Variants in SORL1 observed in about 807,000 individuals in gnomAD.
The protein encoded by SORL1 is sortilin related receptor 1.
A neutral mutation model predicts 273.7 loss-of-function variants in SORL1; 127 were observed. The observed-to-expected ratio is 0.46, with a 90% CI of 0.40 to 0.54. SORL1 has a LOEUF of 0.54. Ranked by LOEUF, SORL1 falls within the 20% of genes least tolerant of loss-of-function variation. SORL1 has a pLI of 0.00. For missense variants in SORL1, 2,494 were observed against 2,846.1 expected, an observed-to-expected ratio of 0.88 and a Z score of 2.81; for synonymous variants, 1,031 against 1,067.4, an observed-to-expected ratio of 0.97 and a Z score of 0.66.
At position 121,570,215 on chromosome 11, in the gene SORL1, T is replaced by C. The variant is rs750861356; in HGVS notation, c.3282T>C (p.Ile1094=). The C allele has an allele frequency of 6.2e-7, 1 of 1,613,970 alleles. No individual in the cohort carries two copies. Among genetic ancestry groups the C allele is most frequent in the East Asian group, 2.2e-5 (1 of 44,880 alleles). ...RCSNGNCINS[I]WWCDFDNDCG... Reference sequence around the variant, plus strand: ...GCAACGGGAACTGTATCAACAGCATTTGGTGGTGTGACTTTGACAACGACT... The same window carrying C: ...GCAACGGGAACTGTATCAACAGCATCTGGTGGTGTGACTTTGACAACGACT... Residue 1094 remains isoleucine (I), a synonymous_variant, in exon 23 of 48, where the codon ATT becomes ATC. Transcript: ENST00000260197.
In SORL1 at chr11:121,504,505, A is replaced by G. The variant is rs1249522713; in HGVS notation, c.939+7456A>G. Among the ~76,000 whole-genome samples, 11 of 152,280 alleles carry G rather than the reference A, an allele frequency of 7.2e-5. No individual in the cohort carries two copies. The East Asian group carries it at 2.1e-3, about 29-fold the overall frequency. Reference sequence around the variant, plus strand: ...CAGATTGTTCATTGCTAATATATAGAACATGATTGATTTTTGTATTATTGA... The same window carrying G: ...CAGATTGTTCATTGCTAATATATAGGACATGATTGATTTTTGTATTATTGA... On this transcript the variant is annotated intron_variant, in intron 6 of 47. Transcript: ENST00000260197.
chr11:121,522,716 G>T lies in SORL1; in HGVS notation c.1522+13G>T. On this transcript the variant is annotated intron_variant, in intron 10 of 47. Transcript: ENST00000260197. ...ATCATCGCCACTGGTAAGTGTGCTT[G>T]CCTGTTCTCAAAAGGGGTTCAGCTG... 2 of 1,596,836 alleles carry T rather than the reference G, an allele frequency of 1.3e-6. No individual in the cohort carries two copies. The highest frequency in any genetic ancestry group is 1.7e-6 in the Non-Finnish European group (2 of 1,164,246).
intron 46 of SORL1, chr11:121,626,470 G>A (rs1166169186): frequency 2.6e-5 from 4 of 151,104 alleles, no homozygotes; most frequent in Non-Finnish European, 4.4e-5. Context: ...TTTTTTTCTG[G>A]CAAGGAAATA....
rs1270053284 is a variant in SORL1, at chr11:121,522,598, T to C, written c.1417T>C (p.Cys473Arg). 7 of 1,613,822 alleles carry C rather than the reference T, an allele frequency of 4.3e-6. No individual in the cohort carries two copies. The highest frequency in any genetic ancestry group is 5.9e-6 in the Non-Finnish European group (7 of 1,179,774). ...EKINCELSQG[C>R]SLHLAQRLSQ... ...TTTGGTTGTATAGCTTTCCCAGGGC[T>C]GTTCCCTTCATCTGGCTCAGCGCCT... is the stretch of plus-strand genomic sequence containing the variant. Residue 473 changes from cysteine (C) to arginine (R), a missense_variant, in exon 10 of 48, where the codon TGT becomes CGT. Physicochemically the swap from Cys to Arg is radical, Grantham distance 180 (BLOSUM62 -3). Transcript: ENST00000260197.
chr11:121,585,593 A>G, intron 26 of SORL1, among the ~76,000 whole-genome samples: 1 of 151,966 alleles, frequency 6.6e-6, no homozygotes, highest in East Asian at 1.9e-4. Flanking sequence ...ATAATCTCTC[A>G]GGTGTAGGTT....
At chr11:121,600,104 T>C (rs1198674851) in intron 32 of SORL1, among the ~76,000 whole-genome samples, 2 of 152,198 alleles carry the variant, frequency 1.3e-5, no homozygotes, top group East Asian at 1.9e-4. Context: ...GGCAAAACAC[T>C]CAGGATTTAC....
intron 29 of SORL1, among the ~76,000 whole-genome samples, chr11:121,589,732 T>C (rs1281062173): frequency 1.3e-5 from 2 of 152,238 alleles, no homozygotes; most frequent in African/African-American, 2.4e-5. Context: ...ATTGTCATGA[T>C]TGGATTACCA....
intron 6 of SORL1, among the ~76,000 whole-genome samples, chr11:121,511,468 C>G (rs1198007133): frequency 6.6e-6 from 1 of 152,138 alleles, no homozygotes; most frequent in Non-Finnish European, 1.5e-5. Context: ...CTGACATAGC[C>G]ATGACATTTT....
chr11:121,480,560 T>A (rs1861356492), intron 3 of SORL1, among the ~76,000 whole-genome samples: 1 of 151,974 alleles, frequency 6.6e-6, no homozygotes. Context: ...CCTCACCTCC[T>A]GCTGTGGTGC....
chr11:121,474,773 G>T (rs377434888), intron 2 of SORL1, among the ~76,000 whole-genome samples: 1 of 152,344 alleles, frequency 6.6e-6, no homozygotes, highest in East Asian at 1.9e-4. Context: ...GCATGGTGCT[G>T]CCATGAAGAA....
intron 32 of SORL1, among the ~76,000 whole-genome samples, chr11:121,599,476 G>A (rs921788388): frequency 2.2e-4 from 34 of 152,178 alleles, no homozygotes; most frequent in Non-Finnish European, 7.4e-5. Context: ...CCCGGGAGGC[G>A]GAGGTTGCAG....
intron 5 of SORL1, among the ~76,000 whole-genome samples, chr11:121,493,439 T>G (rs1320749506): frequency 6.6e-6 from 1 of 152,146 alleles, no homozygotes; most frequent in Non-Finnish European, 1.5e-5. Flanking sequence ...GTATTTTTAG[T>G]AGATATGAAG....
chr11:121,605,986 G>A (rs1198955178), intron 35 of SORL1, among the ~76,000 whole-genome samples: 3 of 152,134 alleles, frequency 2.0e-5, no homozygotes, highest in African/African-American at 4.8e-5. Flanking sequence ...CAGTGGAGGC[G>A]CAATCACTGC....
At chr11:121,470,331 A>G (rs561342774) in intron 2 of SORL1, among the ~76,000 whole-genome samples, 35 of 152,360 alleles carry the variant, frequency 2.3e-4, no homozygotes, top group South Asian at 6.2e-4. Context: ...AGATCCATGC[A>G]ATGTGTGATT....
Position 121,618,759 on chromosome 11 carries a change from C to G in SORL1, c.5605-15C>G. The stretch of plus-strand genomic sequence containing the variant: ...CCATGAGCTGATGTCCTCTTCCATT[C>G]TCTGCTTTTACCAGGTTTATGGTAT... On this transcript the variant is annotated splice_polypyrimidine_tract_variant and intron_variant, in intron 41 of 47. Coordinates refer to ENST00000260197, the MANE Select transcript of SORL1 (RefSeq NM_003105.6). 1 of 1,614,016 alleles carries G rather than the reference C, an allele frequency of 6.2e-7. No individual in the cohort carries two copies. Among genetic ancestry groups the G allele is most frequent in the Non-Finnish European group, 8.5e-7 (1 of 1,179,926 alleles).
intron 41 of SORL1, among the ~76,000 whole-genome samples, chr11:121,616,720 C>T (rs1404631459): frequency 6.6e-6 from 1 of 152,244 alleles, no homozygotes; most frequent in Non-Finnish European, 1.5e-5. Context: ...TCCCATCTGT[C>T]TGTCCTTTCT....
At position 121,577,249 on chromosome 11, in the gene SORL1, C is replaced by A; in HGVS notation, c.3461-32C>A. 1.9e-6 allele frequency: 3 copies of A among 1,556,006 alleles called. No homozygotes were observed. In the South Asian group the frequency reaches 3.7e-5, roughly 19 times the overall value. ...GACAAAATTCTGAACAAGCTTTTGT[C>A]CTCACCTCTCTGTTTATGGTCTCAC... On this transcript the variant is annotated intron_variant, in intron 24 of 47. Transcript: ENST00000260197.
At chr11:121,522,779 A>G (rs1390804722) in intron 10 of SORL1, 76 bp downstream of exon 10, 1 of 1,380,210 alleles carries the variant, frequency 7.2e-7, no homozygotes, top group East Asian at 2.3e-5. Flanking sequence ...GCGATCACCC[A>G]CACCTCCAGC....
chr11:121,585,288 A>G (rs1480694589), intron 26 of SORL1, among the ~76,000 whole-genome samples: 1 of 152,124 alleles, frequency 6.6e-6, no homozygotes, highest in Non-Finnish European at 1.5e-5. Context: ...ATTTGAGATC[A>G]GCCTGGGCAA....
Sources: allele counts gnomAD v4.1 joint callset (sites outside exome capture counted in the v4.1 genomes callset), GRCh38; gene constraint gnomAD v4.1.1; transcripts MANE v1.5; gene names NCBI Gene and HGNC (gene_info 2026-07-23, HGNC 2026-07-21).